NTN1: variants seen among roughly 807,000 people sequenced by gnomAD.
The protein encoded by NTN1 is netrin 1, also known as netrin-1.
NTN1 carries 11 observed loss-of-function variants against 54.2 expected under a neutral mutation model. That is an observed-to-expected ratio of 0.20 (90% CI 0.13 to 0.34). NTN1 has a LOEUF of 0.34. Among genes scored for constraint, NTN1 ranks in the 10% least tolerant of loss-of-function variants. The pLI, the probability that NTN1 is intolerant of heterozygous loss-of-function variation, is 1.00. For missense variants in NTN1, 740 were observed against 893.1 expected (o/e 0.83, Z 2.18); for synonymous variants, 371 against 382.0 (o/e 0.97, Z 0.33).
intron 6 of NTN1, among the ~76,000 whole-genome samples, chr17:9,228,708 G>A (rs1445667641): frequency 6.6e-6 from 1 of 152,184 alleles, no homozygotes; most frequent in Non-Finnish European, 1.5e-5. Flanking sequence ...GCTTCTCACA[G>A]GACGATTTGT....
intron 2 of NTN1, among the ~76,000 whole-genome samples, chr17:9,153,066 C>T (rs1257194043): frequency 6.6e-6 from 1 of 152,086 alleles, no homozygotes; most frequent in Non-Finnish European, 1.5e-5. Context: ...ATCAGGAGTT[C>T]GAGACCAGCC....
intron 3 of NTN1, among the ~76,000 whole-genome samples, chr17:9,168,491 C>G (rs1025664142): frequency 6.6e-6 from 1 of 151,688 alleles, no homozygotes; most frequent in African/African-American, 2.4e-5. Flanking sequence ...GAGATTGCGC[C>G]ATTGCACTCC....
rs537527477 is a variant in NTN1 at position 9,089,224 on chromosome 17, C to A, written c.1018+65833C>A. ...GTTCAGGAGTTCGAGACCAGACTGA[C>A]CACCATGGTGAAACCCCGTCTCTAC... On this transcript the variant is annotated intron_variant, in intron 2 of 6. Coordinates refer to ENST00000173229, the MANE Select transcript of NTN1 (RefSeq NM_004822.3). 2.0e-5 allele frequency among the ~76,000 whole-genome samples: 3 copies of A among 152,258 alleles called. No individual in the cohort carries two copies. In the East Asian group the frequency reaches 5.8e-4, roughly 29 times the overall value.
chr17:9,231,192 G>C (rs1400551959), intron 6 of NTN1, among the ~76,000 whole-genome samples: 2 of 152,148 alleles, frequency 1.3e-5, no homozygotes, highest in African/African-American at 4.8e-5. Flanking sequence ...CCCCGCCATT[G>C]TTCCTGGGTT....
intron 2 of NTN1, among the ~76,000 whole-genome samples, chr17:9,043,079 T>C (rs137989585): frequency 6.6e-6 from 1 of 152,350 alleles, no homozygotes; most frequent in African/African-American, 2.4e-5. Context: ...ATCTGGTAAT[T>C]TGTTTTTTTT....
intron 6 of NTN1, among the ~76,000 whole-genome samples, chr17:9,230,821 C>T (rs1032577745): frequency 4.6e-5 from 7 of 152,252 alleles, no homozygotes; most frequent in African/African-American, 1.4e-4. Context: ...GGAGCTTCCT[C>T]TTGTCTCTCC....
chr17:9,018,041 G>A (rs1567690305), upstream of NTN1, among the ~76,000 whole-genome samples: 1 of 152,178 alleles, frequency 6.6e-6, no homozygotes, highest in Admixed American at 6.5e-5. Flanking sequence ...GTGTAGCGTA[G>A]GGTTTGGGCC....
chr17:9,186,431 C>T (rs2142323051), intron 5 of NTN1, among the ~76,000 whole-genome samples: 1 of 152,366 alleles, frequency 6.6e-6, no homozygotes, highest in African/African-American at 2.4e-5. Flanking sequence ...TCTGGGGTTA[C>T]AGGAGCATGG....
chr17:9,012,622 G>A, the NTN1 span, among the ~76,000 whole-genome samples: 1 of 151,302 alleles, frequency 6.6e-6, no homozygotes, highest in East Asian at 1.9e-4. Flanking sequence ...AATAACATCT[G>A]TCCCCAGAGC....
chr17:9,127,234 C>G (rs531037374), intron 2 of NTN1, among the ~76,000 whole-genome samples: 1 of 152,004 alleles, frequency 6.6e-6, no homozygotes, highest in South Asian at 2.1e-4. Context: ...AGCCAGGAGG[C>G]CTTGGAAGTT....
chr17:9,204,953 T>A (rs911900950), intron 5 of NTN1, among the ~76,000 whole-genome samples: 3 of 151,896 alleles, frequency 2.0e-5, no homozygotes, highest in Non-Finnish European at 2.9e-5. Flanking sequence ...TGAAGATATG[T>A]TGCTCATTAT....
intron 5 of NTN1, among the ~76,000 whole-genome samples, chr17:9,196,361 C>A (rs1904634664): frequency 6.6e-6 from 1 of 152,204 alleles, no homozygotes; most frequent in Admixed American, 6.5e-5. Flanking sequence ...TGGACATAGA[C>A]CCTCAGAGTT....
At chr17:9,162,484 C>T (rs930164181) in intron 2 of NTN1, among the ~76,000 whole-genome samples, 3 of 152,196 alleles carry the variant, frequency 2.0e-5, no homozygotes, top group Non-Finnish European at 4.4e-5. Flanking sequence ...CTTCCTACAA[C>T]GACACAGTCA....
intron 2 of NTN1, among the ~76,000 whole-genome samples, chr17:9,093,972 T>C (rs2092122126): frequency 6.6e-6 from 1 of 151,878 alleles, no homozygotes; most frequent in Non-Finnish European, 1.5e-5. Context: ...AGACCCTGTC[T>C]CAAAAAAGAA....
In NTN1 at chr17:9,229,097, ACT is replaced by A. The variant is rs1905716437; in HGVS notation, c.1486+7856_1486+7857del. On this transcript the variant is annotated intron_variant, in intron 6 of 6. Transcript: ENST00000173229. ...GTTTGTGACTGTGTGTGTGACTGAG[ACT>A]GTGACTGTGAGTGTGTGACTGTGTT... Among the ~76,000 whole-genome samples, 8 of 2,326 alleles carry A rather than the reference ACT, an allele frequency of 3.4e-3. No homozygotes were observed. In the South Asian group the frequency reaches 0.053, roughly 15 times the overall value. 1.5% of individuals were successfully genotyped at this position (2,326 alleles called of 152,430 possible). A position where few individuals can be genotyped will look rare whatever the true frequency, so the allele number is the denominator to read the frequency against.
Position 9,022,673 on chromosome 17 carries a change from G to T in NTN1, c.300G>T (p.Lys100Asn). 1 of 1,578,134 alleles carries T rather than the reference G, an allele frequency of 6.3e-7. No individual in the cohort carries two copies. Among genetic ancestry groups the T allele is most frequent in the East Asian group, 2.4e-5 (1 of 41,992 alleles). Reference sequence around the variant, plus strand: ...ACCTCTGCAACGCGTCCGACCCCAAGAAGGCGCACCCGCCCGCCTTCCTCA... The same window carrying T: ...ACCTCTGCAACGCGTCCGACCCCAATAAGGCGCACCCGCCCGCCTTCCTCA... Reference protein sequence around the residue: ...SCHLCNASDPKKAHPPAFLTD... With the variant: ...SCHLCNASDPNKAHPPAFLTD... The change falls in exon 2 of 7, where the codon AAG (lysine) becomes AAT (asparagine). Residue 100 changes from lysine (K) to asparagine (N), a missense_variant. Physicochemically the swap from Lys to Asn is moderately conservative, Grantham distance 94. Transcript: ENST00000173229.
In NTN1 at chr17:9,130,493, CTTTG is replaced by C. The variant is rs1392120056; in HGVS notation, c.1019-32317_1019-32314del. 2.0e-5 allele frequency among the ~76,000 whole-genome samples: 3 copies of C among 152,236 alleles called. No individual in the cohort carries two copies. The East Asian group carries it at 5.8e-4, about 29-fold the overall frequency. On this transcript the variant is annotated intron_variant, in intron 2 of 6. Coordinates refer to ENST00000173229, the MANE Select transcript of NTN1 (RefSeq NM_004822.3). ...AGTTCACAGTCTTCTTTGGAGACCT[CTTTG>C]TTCTCCAAAGCCCCACCTGGGGTGG...
At chr17:9,100,764 T>G (rs1567710611) in intron 2 of NTN1, among the ~76,000 whole-genome samples, 1 of 151,924 alleles carries the variant, frequency 6.6e-6, no homozygotes, top group Non-Finnish European at 1.5e-5. Context: ...TTATTTCTAT[T>G]TATAGAGTTT....
At chr17:9,081,928 C>T (rs559404968) in intron 2 of NTN1, among the ~76,000 whole-genome samples, 50 of 152,286 alleles carry the variant, frequency 3.3e-4, no homozygotes, top group African/African-American at 1.1e-3. Flanking sequence ...ACGTTTTCTC[C>T]GAGTTTGGGT....
Sources: gnomAD v4.1 joint callset for allele counts (sites outside exome capture counted in the v4.1 genomes callset) on GRCh38, gnomAD v4.1.1 for gene constraint, MANE v1.5 for transcripts, NCBI Gene and HGNC (gene_info 2026-07-23, HGNC 2026-07-21) for gene names.